Variants in GLIS3 observed in about 807,000 individuals in gnomAD.
GLIS3 encodes GLIS family zinc finger 3, also known as zinc finger protein GLIS3.
A neutral mutation model predicts 78.6 loss-of-function variants in GLIS3; 53 were observed. The ratio of observed to expected loss-of-function variants is 0.67; its 90% confidence interval spans 0.54 to 0.85. GLIS3 has a LOEUF of 0.85. Among genes scored for constraint, GLIS3 ranks in the 40% least tolerant of loss-of-function variants. The pLI, the probability that GLIS3 is intolerant of heterozygous loss-of-function variation, is 0.00. For synonymous variants in GLIS3, 684 were observed against 509.9 expected, an observed-to-expected ratio of 1.34 and a Z score of -4.60; for missense variants, 1,703 against 1,231.1, an observed-to-expected ratio of 1.38 and a Z score of -5.74.
chr9:4,011,325 GTC>G (rs1347657037), intron 4 of GLIS3, among the ~76,000 whole-genome samples: 1 of 152,214 alleles, frequency 6.6e-6, no homozygotes, highest in East Asian at 1.9e-4. Context: ...AAGAAGCAGA[GTC>G]TCTGTCCTCA....
intron 2 of GLIS3, among the ~76,000 whole-genome samples, chr9:4,181,138 G>A (rs761942947): frequency 2.6e-5 from 4 of 152,316 alleles, no homozygotes; most frequent in Middle Eastern, 6.8e-3. Flanking sequence ...TTTGCCTGAT[G>A]GTAATGAGAA....
chr9:3,825,437 T>TC lies in GLIS3; in HGVS notation c.*2834_*2835insG, dbSNP rs1291083056. The TC allele has an allele frequency of 6.6e-6, 1 of 152,172 alleles. No homozygotes were observed. Among genetic ancestry groups the TC allele is most frequent in the Non-Finnish European group, 1.5e-5 (1 of 68,036 alleles). 9.4% of individuals were successfully genotyped at this position (152,172 alleles called of 1,614,324 possible). A position where few individuals can be genotyped will look rare whatever the true frequency, so the allele number is the denominator to read the frequency against. ...AATGTCTCTAGGCAGACTGATTTTT[T>TC]TTTTAATGCAATAGGATAATTGTCT... On this transcript the variant is annotated 3_prime_UTR_variant, in exon 11 of 11. Transcript: ENST00000381971.
At chr9:3,859,244 C>T (rs1031698307) in intron 8 of GLIS3, among the ~76,000 whole-genome samples, 1 of 152,116 alleles carries the variant, frequency 6.6e-6, no homozygotes, top group Non-Finnish European at 1.5e-5. Flanking sequence ...CTTAGATGCT[C>T]ACTAAGCAAA....
At chr9:4,419,185 C>T in the GLIS3 span, among the ~76,000 whole-genome samples, 29 of 152,244 alleles carry the variant, frequency 1.9e-4, no homozygotes, top group South Asian at 3.1e-3. Flanking sequence ...ATGTTTAATC[C>T]TTCTGATTAC....
intron 4 of GLIS3, among the ~76,000 whole-genome samples, chr9:3,966,662 C>T (rs953937183): frequency 8.6e-5 from 13 of 151,504 alleles, no homozygotes; most frequent in South Asian, 2.1e-4. Context: ...GGCATGGTGG[C>T]GCACGCCTGC....
intron 9 of GLIS3, among the ~76,000 whole-genome samples, chr9:3,840,387 G>A (rs563835827): frequency 6.6e-6 from 1 of 152,236 alleles, no homozygotes; most frequent in South Asian, 2.1e-4. Context: ...TGAGGTAGGA[G>A]TCTACTAAGC....
At chr9:4,160,047 T>G (rs1178147793) in intron 2 of GLIS3, among the ~76,000 whole-genome samples, 1 of 151,940 alleles carries the variant, frequency 6.6e-6, no homozygotes, top group African/African-American at 2.4e-5. Flanking sequence ...AACGAACTTT[T>G]CCAGTGAACT....
chr9:4,349,809 G>T (rs533501715), upstream of GLIS3, among the ~76,000 whole-genome samples: 1 of 152,190 alleles, frequency 6.6e-6, no homozygotes, highest in African/African-American at 2.4e-5. Context: ...ATTCATGGTG[G>T]CAAGAAGAAA....
intron 4 of GLIS3, among the ~76,000 whole-genome samples, chr9:4,091,648 G>T (rs806044): frequency 0.68 from 103,873 of 151,874 alleles, 35,875 homozygotes; most frequent in African/African-American, 0.77. Context: ...CAGAGTGTAC[G>T]TATGGCGAGC....
At chr9:3,917,700 G>A (rs13294852) in intron 6 of GLIS3, among the ~76,000 whole-genome samples, 2,488 of 151,392 alleles carry the variant, frequency 0.016, 31 homozygotes, top group Non-Finnish European at 0.028. Flanking sequence ...CCACTGAAAC[G>A]ACCTCACCCA....
chr9:3,958,619 T>G (rs1048712155), intron 4 of GLIS3, among the ~76,000 whole-genome samples: 1 of 152,212 alleles, frequency 6.6e-6, no homozygotes, highest in Non-Finnish European at 1.5e-5. Flanking sequence ...CTGGACGCTG[T>G]GTAGGATCTC....
At chr9:4,193,407 C>T (rs755886212) in intron 2 of GLIS3, among the ~76,000 whole-genome samples, 1 of 152,088 alleles carries the variant, frequency 6.6e-6, no homozygotes, top group Non-Finnish European at 1.5e-5. Flanking sequence ...AACCATATGG[C>T]CTAAGAAGTC....
intron 4 of GLIS3, among the ~76,000 whole-genome samples, chr9:3,951,458 G>A (rs1291152453): frequency 1.3e-5 from 2 of 151,742 alleles, no homozygotes; most frequent in South Asian, 4.2e-4. Flanking sequence ...AGCAGGGAGT[G>A]CTCCTTTTGA....
At chr9:4,333,279 A>C (rs1817711692) in intron 2 of GLIS3, among the ~76,000 whole-genome samples, 1 of 78,990 alleles carries the variant, frequency 1.3e-5, no homozygotes, top group Non-Finnish European at 3.2e-5. Context: ...GGGAAGGGGA[A>C]TGGTAGGGGC....
At chr9:4,078,362 C>T (rs1588618877) in intron 4 of GLIS3, among the ~76,000 whole-genome samples, 1 of 152,258 alleles carries the variant, frequency 6.6e-6, no homozygotes, top group East Asian at 1.9e-4. Flanking sequence ...ACCCATTCTT[C>T]TGGGAAACCC....
At chr9:4,213,222 T>C (rs1820526945) in intron 2 of GLIS3, among the ~76,000 whole-genome samples, 1 of 152,106 alleles carries the variant, frequency 6.6e-6, no homozygotes, top group Non-Finnish European at 1.5e-5. Flanking sequence ...CCTTCCTTTG[T>C]CTCCCTTAGC....
intron 2 of GLIS3, among the ~76,000 whole-genome samples, chr9:4,320,052 C>T (rs937392459): frequency 6.6e-6 from 1 of 151,082 alleles, no homozygotes; most frequent in Non-Finnish European, 1.5e-5. Context: ...AAATTAGTTG[C>T]TAAGTAAGAA....
chr9:4,250,183 C>T (rs1244367813), intron 2 of GLIS3, among the ~76,000 whole-genome samples: 2 of 152,166 alleles, frequency 1.3e-5, no homozygotes, highest in Non-Finnish European at 2.9e-5. Context: ...GGAATAGTTT[C>T]AGAAGGAATG....
intron 2 of GLIS3, among the ~76,000 whole-genome samples, chr9:4,324,051 C>T (rs763006930): frequency 2.6e-5 from 4 of 152,170 alleles, no homozygotes; most frequent in Admixed American, 1.3e-4. Context: ...TACTCACCTT[C>T]GTTAACTCTT....
Sources: allele counts gnomAD v4.1 joint callset (sites outside exome capture counted in the v4.1 genomes callset), GRCh38; gene constraint gnomAD v4.1.1; transcripts MANE v1.5; gene names NCBI Gene and HGNC (gene_info 2026-07-23, HGNC 2026-07-21).